The following ADGRV1 variants were observed in gnomAD, a reference collection of about 807,000 sequenced individuals.
The protein encoded by ADGRV1 is adhesion G protein-coupled receptor V1.
In ADGRV1, 359 loss-of-function variants were observed where a neutral mutation model predicts 596.2. The ratio of observed to expected loss-of-function variants is 0.60; its 90% confidence interval spans 0.55 to 0.66. The LOEUF (loss-of-function observed/expected upper bound fraction) is 0.66. Ranked by LOEUF, ADGRV1 falls within the 30% of genes least tolerant of loss-of-function variation. The pLI is 0.00. For missense variants in ADGRV1, 7,274 were observed against 7,575.6 expected, an observed-to-expected ratio of 0.96 and a Z score of 1.48; for synonymous variants, 2,681 against 2,679.2, an observed-to-expected ratio of 1.00 and a Z score of -0.02.
intron 25 of ADGRV1, among the ~76,000 whole-genome samples, chr5:90,678,829 T>G (rs142064074): frequency 6.6e-6 from 1 of 152,036 alleles, no homozygotes; most frequent in East Asian, 1.9e-4. Flanking sequence ...CACGGTTGCA[T>G]TTGCGATTAA....
chr5:90,594,476 C>G (rs1267419159), intron 1 of ADGRV1, among the ~76,000 whole-genome samples: 3 of 144,646 alleles, frequency 2.1e-5, no homozygotes, highest in East Asian at 4.1e-4. Flanking sequence ...TACTCAGTCT[C>G]TGGCAGTTCT....
At chr5:90,571,799 G>T (rs1355787169) in intron 1 of ADGRV1, among the ~76,000 whole-genome samples, 1 of 152,148 alleles carries the variant, frequency 6.6e-6, no homozygotes, top group Non-Finnish European at 1.5e-5. Flanking sequence ...TAGTTTTTAA[G>T]GTGACTTTGG....
intron 86 of ADGRV1, among the ~76,000 whole-genome samples, chr5:91,089,086 C>T (rs963131370): frequency 6.6e-6 from 1 of 152,182 alleles, no homozygotes; most frequent in South Asian, 2.1e-4. Flanking sequence ...ATCCCTGCCA[C>T]ACCTGTGGGT....
intron 87 of ADGRV1, among the ~76,000 whole-genome samples, chr5:91,149,366 G>T (rs989599088): frequency 2.6e-5 from 4 of 152,154 alleles, no homozygotes; most frequent in Non-Finnish European, 5.9e-5. Context: ...ATGATAATTA[G>T]TGAGTCTCAT....
chr5:91,023,053 G>T (rs1783770051), intron 85 of ADGRV1, among the ~76,000 whole-genome samples: 1 of 151,982 alleles, frequency 6.6e-6, no homozygotes, highest in African/African-American at 2.4e-5. Flanking sequence ...TTTTGTGTGT[G>T]GGTTAAAACA....
chr5:90,801,479 C>G (rs980746681), intron 70 of ADGRV1, among the ~76,000 whole-genome samples: 2 of 151,528 alleles, frequency 1.3e-5, no homozygotes, highest in African/African-American at 4.8e-5. Flanking sequence ...GAGGGGTACA[C>G]TCTTACAGGA....
At position 90,676,153 on chromosome 5, in the gene ADGRV1, C is replaced by G. The variant is rs770897158; in HGVS notation, c.5387C>G (p.Ser1796Cys). Residue 1796 changes from serine to cysteine, a missense_variant, in exon 25 of 90, where the codon TCT (serine) becomes TGT (cysteine). Around this residue, in one of 5 missense-constraint regions of ADGRV1, gnomAD observed 3,643 missense variants for 3,809.2 expected, o/e 0.96. Coordinates refer to ENST00000405460, the MANE Select transcript of ADGRV1 (RefSeq NM_032119.4). ...ATTTTCATAAACATCACTGATAATT[C>G]TATTCCTGAACTGGAAAAATCTTTT... The part of the protein sequence containing the change: ...KYIFINITDN[S>C]IPELEKSFKV... 254 of 1,606,936 alleles carry G rather than the reference C, an allele frequency of 1.6e-4. 6 individuals carry two copies. In the South Asian group the frequency reaches 2.8e-3, roughly 18 times the overall value.
At chr5:90,908,457 A>G (rs1772527637) in intron 83 of ADGRV1, among the ~76,000 whole-genome samples, 1 of 152,164 alleles carries the variant, frequency 6.6e-6, no homozygotes, top group African/African-American at 2.4e-5. Flanking sequence ...GTATATACAC[A>G]TTCTTTCTAT....
At chr5:90,594,485 CTTTTTTTTTT>C (rs569370594) in intron 1 of ADGRV1, among the ~76,000 whole-genome samples, 1 of 108,316 alleles carries the variant, frequency 9.2e-6, no homozygotes, top group Admixed American at 9.3e-5. Context: ...TCTGGCAGTT[CTTTTTTTTTT>C]TTTTTTTTTT....
intron 74 of ADGRV1, among the ~76,000 whole-genome samples, chr5:90,812,221 C>T (rs1362040143): frequency 1.3e-5 from 2 of 152,016 alleles, no homozygotes; most frequent in Non-Finnish European, 2.9e-5. Flanking sequence ...CCACTGCACC[C>T]GGCCTGAAAT....
intron 86 of ADGRV1, among the ~76,000 whole-genome samples, chr5:91,100,566 CAGGAA>C (rs1261790978): frequency 6.6e-6 from 1 of 151,952 alleles, no homozygotes; most frequent in African/African-American, 2.4e-5. Flanking sequence ...GCTAAATAAG[CAGGAA>C]TATATTAGTC....
intron 85 of ADGRV1, among the ~76,000 whole-genome samples, chr5:91,042,599 A>G (rs749201064): frequency 6.6e-6 from 1 of 152,112 alleles, no homozygotes; most frequent in South Asian, 2.1e-4. Context: ...GGTTTGTTAC[A>G]TAGGTGTACA....
At chr5:91,127,540 C>CAAAA (rs11406300) in intron 87 of ADGRV1, among the ~76,000 whole-genome samples, 1 of 125,550 alleles carries the variant, frequency 8.0e-6, no homozygotes, top group Non-Finnish European at 1.6e-5. Flanking sequence ...CCAGTCTCAC[C>CAAAA]AAAAAAAAAA....
At chr5:90,839,466 A>G (rs184146281) in intron 77 of ADGRV1, among the ~76,000 whole-genome samples, 221 of 152,196 alleles carry the variant, frequency 1.5e-3, no homozygotes, top group Middle Eastern at 3.4e-3. Context: ...CACCCACCTC[A>G]GCCTCCCAAA....
intron 64 of ADGRV1, 166 bp downstream of exon 64, chr5:90,779,263 A>C: frequency 2.3e-6 from 1 of 438,046 alleles, no homozygotes; most frequent in South Asian, 7.1e-5. Context: ...TATGACAATG[A>C]CTGAGTTTTT....
chr5:90,658,827 A>G (rs1348767595), intron 21 of ADGRV1, among the ~76,000 whole-genome samples: 5 of 152,082 alleles, frequency 3.3e-5, no homozygotes, highest in African/African-American at 9.7e-5. Flanking sequence ...CATGTTTTCA[A>G]AGATTCGTAA....
chr5:90,968,012 A>T (rs559012760), intron 84 of ADGRV1, among the ~76,000 whole-genome samples: 1 of 152,352 alleles, frequency 6.6e-6, no homozygotes, highest in South Asian at 2.1e-4. Context: ...CAGCAGGAAC[A>T]TTAATTATCC....
chr5:90,565,078 T>C (rs1353135625), intron 1 of ADGRV1, among the ~76,000 whole-genome samples: 1 of 151,944 alleles, frequency 6.6e-6, no homozygotes, highest in Non-Finnish European at 1.5e-5. Context: ...ATACTAAAAA[T>C]CCAAAAAAAT....
chr5:90,791,707 G>C (rs556813716), intron 70 of ADGRV1: 4 of 181,526 alleles, frequency 2.2e-5, no homozygotes, highest in Non-Finnish European at 4.6e-5. Context: ...AGGCTTCTTT[G>C]TGCTTCTAGC....
Sources: allele counts gnomAD v4.1 joint callset (sites outside exome capture counted in the v4.1 genomes callset), GRCh38; gene constraint gnomAD v4.1.1; regional missense constraint gnomAD v4.1.1; transcripts MANE v1.5; gene names NCBI Gene and HGNC (gene_info 2026-07-23, HGNC 2026-07-21).